IGFL4: variants seen among roughly 807,000 people sequenced by gnomAD.
IGFL4 encodes IGF like family member 4.
Under a neutral mutation model 15.4 loss-of-function variants are expected in IGFL4, and 12 were observed. That is an observed-to-expected ratio of 0.78 (90% CI 0.50 to 1.26). The LOEUF is 1.26. Ranked by LOEUF, IGFL4 falls within the 50% of genes most tolerant of loss-of-function variation. The pLI is 0.00. For missense variants in IGFL4, 126 were observed against 147.8 expected, an observed-to-expected ratio of 0.85 and a Z score of 0.76; for synonymous variants, 54 against 55.9, an observed-to-expected ratio of 0.97 and a Z score of 0.16.
chr19:46,044,927 A>C (rs1204452607), upstream of IGFL4, among the ~76,000 whole-genome samples: 1 of 152,214 alleles, frequency 6.6e-6, no homozygotes, highest in Non-Finnish European at 1.5e-5. Context: ...AGAAAACACC[A>C]ACAACATCAG....
chr19:46,074,903 A>G (rs1969580796), intron 1 of IGFL4, among the ~76,000 whole-genome samples: 1 of 152,214 alleles, frequency 6.6e-6, no homozygotes, highest in African/African-American at 2.4e-5. Flanking sequence ...CAAGAAGCTG[A>G]TGAAAATCAT....
At chr19:46,076,966 C>T (rs1420079523) in intron 1 of IGFL4, 3 of 152,142 alleles carry the variant, frequency 2.0e-5, no homozygotes, top group Non-Finnish European at 4.4e-5. Flanking sequence ...AAGCGGATTA[C>T]CTCAAAGGCC....
chr19:46,067,423 C>T (rs547461751), intron 1 of IGFL4, among the ~76,000 whole-genome samples: 2 of 152,114 alleles, frequency 1.3e-5, no homozygotes, highest in Non-Finnish European at 2.9e-5. Context: ...TCCTGGGTTC[C>T]AGAGAGCCCA....
In IGFL4 at chr19:46,040,358, G is replaced by A. The variant is rs1441916191; in HGVS notation, c.129C>T (p.Pro43=). Residue 43 remains proline, a synonymous_variant, in exon 3 of 4, where the codon CCC becomes CCT. Coordinates refer to ENST00000377697, the MANE Select transcript of IGFL4 (RefSeq NM_001002923.3). This position sits in a 1 kb window ranked among gnomAD's most constrained non-coding sequence, Gnocchi z 4.1. ...CACCGTCATCACAGCACTGCTCCAA[G>A]GGGTTGTAGGTCCACTCCCCGCACC... ...APRCGEWTYN[P]LEQCCDDGVI... 1.9e-6 allele frequency: 3 copies of A among 1,614,206 alleles called. No individual in the cohort carries two copies. In the South Asian group the frequency reaches 3.3e-5, roughly 18 times the overall value.
At chr19:46,055,216 C>T (rs1600673552) in intron 2 of IGFL4, among the ~76,000 whole-genome samples, 1 of 152,314 alleles carries the variant, frequency 6.6e-6, no homozygotes, top group South Asian at 2.1e-4. Flanking sequence ...CATTTGATAA[C>T]AGCAGATTTG....
intron 1 of IGFL4, among the ~76,000 whole-genome samples, chr19:46,060,994 T>G (rs1208398692): frequency 1.3e-5 from 2 of 152,236 alleles, no homozygotes; most frequent in Non-Finnish European, 2.9e-5. Context: ...AGCAGATCAG[T>G]GCTCTAAGAT....
chr19:46,077,626 C>T (rs1969624419), upstream of IGFL4, among the ~76,000 whole-genome samples: 1 of 152,250 alleles, frequency 6.6e-6, no homozygotes, highest in South Asian at 2.1e-4. This position sits in a 1 kb window ranked among gnomAD's most constrained non-coding sequence, Gnocchi z 5.4. Context: ...CGACTACTTA[C>T]ACTGCCGCCC....
intron 1 of IGFL4, among the ~76,000 whole-genome samples, chr19:46,072,507 A>C (rs1467947138): frequency 2.0e-5 from 3 of 152,248 alleles, no homozygotes; most frequent in Non-Finnish European, 4.4e-5. Context: ...ATTTTAATCA[A>C]TGGAGGTAAT....
chr19:46,039,632 G>A lies in IGFL4; in HGVS notation c.*260C>T, dbSNP rs996686538. 8 of 354,302 alleles carry A rather than the reference G, an allele frequency of 2.3e-5. No homozygotes were observed. The highest frequency in any genetic ancestry group is 1.7e-4 in the African/African-American group (8 of 45,900). 21.9% of individuals were successfully genotyped at this position (354,302 alleles called of 1,614,324 possible). ...CATCCCTTGTAAGTTGGATTCCTAGGTATTTTATTCTCTGTGAAGCAATTG... is the reference window on the plus strand; with the variant it reads ...CATCCCTTGTAAGTTGGATTCCTAGATATTTTATTCTCTGTGAAGCAATTG... On this transcript the variant is annotated 3_prime_UTR_variant, in exon 4 of 4. Transcript: ENST00000377697.
intron 2 of IGFL4, among the ~76,000 whole-genome samples, chr19:46,056,680 T>G (rs972521976): frequency 6.6e-6 from 1 of 152,222 alleles, no homozygotes; most frequent in Non-Finnish European, 1.5e-5. Flanking sequence ...GAGTCAGGAA[T>G]CAAAGGCAAT....
At chr19:46,063,344 C>CAT (rs1969463943) in intron 1 of IGFL4, among the ~76,000 whole-genome samples, 1 of 148,594 alleles carries the variant, frequency 6.7e-6, no homozygotes. Context: ...TGCACACACA[C>CAT]ACACACACAC....
chr19:46,040,812 G>T lies in IGFL4; in HGVS notation c.19+132C>A. The T allele has an allele frequency of 1.0e-6, 1 of 964,380 alleles. No homozygotes were observed. The highest frequency in any genetic ancestry group is 1.4e-5 in the South Asian group (1 of 70,382). The allele number at this position is 964,380 out of a possible 1,614,324, so 59.7% of individuals were successfully genotyped here. A position where few individuals can be genotyped will look rare whatever the true frequency, so the allele number is the denominator to read the frequency against. ...GACAGATTACAATGCAGTCACAGAT[G>T]ACATAGCAGTGATTATGAGGTGGGA... On this transcript the variant is annotated intron_variant, in intron 1 of 3. Transcript: ENST00000377697. This position sits in a 1 kb window ranked among gnomAD's most constrained non-coding sequence, Gnocchi z 4.1.
intron 1 of IGFL4, among the ~76,000 whole-genome samples, chr19:46,060,769 A>G (rs1969437771): frequency 6.6e-6 from 1 of 152,196 alleles, no homozygotes; most frequent in Non-Finnish European, 1.5e-5. Flanking sequence ...AATACAGCCC[A>G]AAGAAAGCCA....
chr19:46,077,272 G>A (rs1232691731), upstream of IGFL4, among the ~76,000 whole-genome samples: 6 of 152,162 alleles, frequency 3.9e-5, no homozygotes, highest in Admixed American at 1.3e-4. The surrounding 1 kb of genome is among the most constrained non-coding windows in gnomAD (Gnocchi z 5.4). Flanking sequence ...CCAAAACCTG[G>A]GTGTGACTTG....
chr19:46,056,489 C>T (rs1969393806), intron 2 of IGFL4, among the ~76,000 whole-genome samples: 1 of 152,196 alleles, frequency 6.6e-6, no homozygotes, highest in Non-Finnish European at 1.5e-5. Context: ...CAGCAAGGAT[C>T]TCCTCCACTC....
At chr19:46,063,335 GCACACACACACACACA>G in intron 1 of IGFL4, among the ~76,000 whole-genome samples, 1 of 147,188 alleles carries the variant, frequency 6.8e-6, no homozygotes, top group East Asian at 2.0e-4. Flanking sequence ...ACACACGCAT[GCACACACACACACACA>G]CACACACACA....
intron 1 of IGFL4, among the ~76,000 whole-genome samples, chr19:46,060,466 A>G (rs1397880974): frequency 6.6e-6 from 1 of 152,166 alleles, no homozygotes; most frequent in African/African-American, 2.4e-5. Flanking sequence ...TAATGTCACA[A>G]TCTCCAAAGT....
rs889635441 is a variant in IGFL4, at chr19:46,055,549, G to A, written c.-323+4636C>T. ...AAATTTTCCAATCTTTTGAAATGAG[G>A]TCAAAGCTCTTCATTTGAATTTGCT... On this transcript the variant is annotated intron_variant, in intron 2 of 5. Transcript: ENST00000601672. Among the ~76,000 whole-genome samples, 4 of 151,874 alleles carry A rather than the reference G, an allele frequency of 2.6e-5. No individual in the cohort carries two copies. In the East Asian group the frequency reaches 7.7e-4, roughly 29 times the overall value.
At chr19:46,057,066 A>G (rs946129240) in intron 2 of IGFL4, among the ~76,000 whole-genome samples, 26 of 152,356 alleles carry the variant, frequency 1.7e-4, no homozygotes, top group African/African-American at 6.0e-4. Flanking sequence ...CAAATGACCA[A>G]AAGTACATCT....
Sources: allele counts gnomAD v4.1 joint callset (sites outside exome capture counted in the v4.1 genomes callset), GRCh38; gene constraint gnomAD v4.1.1; non-coding constraint Gnocchi (gnomAD v3.1); transcripts MANE v1.5; gene names NCBI Gene and HGNC (gene_info 2026-07-23, HGNC 2026-07-21).